The following TET2 variants were observed in gnomAD, a reference collection of about 807,000 sequenced individuals.
TET2 encodes tet methylcytosine dioxygenase 2.
TET2 carries 299 observed loss-of-function variants against 142.9 expected under a neutral mutation model. The observed-to-expected ratio is 2.09, with a 90% CI of 1.90 to 2.30. TET2 has a LOEUF of 2.30. Among genes scored for constraint, TET2 ranks in the 30% most tolerant of loss-of-function variants. TET2 has a pLI of 0.00. For synonymous variants in TET2, 819 were observed against 849.0 expected (o/e 0.96, Z 0.61); for missense variants, 2,418 against 2,378.0 (o/e 1.02, Z -0.35).
At chr4:105,164,445 T>C (rs530223310) in intron 1 of TET2, among the ~76,000 whole-genome samples, 3 of 152,194 alleles carry the variant, frequency 2.0e-5, no homozygotes, top group Non-Finnish European at 2.9e-5. Flanking sequence ...TGAAGTAACA[T>C]AAATAAAACA....
At chr4:105,196,874 AGAAGAGGTT>A (rs1449371422) in intron 2 of TET2, among the ~76,000 whole-genome samples, 7 of 152,216 alleles carry the variant, frequency 4.6e-5, no homozygotes. Flanking sequence ...ACAATTTAAA[AGAAGAGGTT>A]GACTTTGTGA....
At chr4:105,265,437 T>C (rs1730638897) in intron 8 of TET2, among the ~76,000 whole-genome samples, 1 of 152,240 alleles carries the variant, frequency 6.6e-6, no homozygotes, top group Non-Finnish European at 1.5e-5. Flanking sequence ...TCCTGCATGG[T>C]ATTTTTTAGG....
intron 8 of TET2, among the ~76,000 whole-genome samples, chr4:105,265,916 A>G (rs143899825): frequency 1.1e-3 from 169 of 152,268 alleles, no homozygotes; most frequent in African/African-American, 3.8e-3. Flanking sequence ...AAACACACCC[A>G]GCCTTATCTC....
At chr4:105,194,881 A>T (rs1421863681) in intron 2 of TET2, among the ~76,000 whole-genome samples, 2 of 152,124 alleles carry the variant, frequency 1.3e-5, no homozygotes, top group Non-Finnish European at 2.9e-5. Context: ...GTCATAACTC[A>T]ACTATGTGAA....
At position 105,236,328 on chromosome 4, in the gene TET2, G is replaced by C. The variant is rs747398674; in HGVS notation, c.2386G>C (p.Glu796Gln). Residue 796 changes from glutamate to glutamine, a missense_variant, in exon 3 of 11, where the codon GAG (glutamate) becomes CAG (glutamine). Transcript: ENST00000380013. The part of the protein sequence containing the change: ...HGENQYSKSS[E>Q]FETHNVQMGL... ...TGAAAATCAGTATTCAAAATCAAGC[G>C]AGTTCGAGACTCATAATGTCCAAAT... is the stretch of plus-strand genomic sequence containing the variant. The C allele has an allele frequency of 3.7e-6, 6 of 1,613,988 alleles. No individual in the cohort carries two copies. Among genetic ancestry groups the C allele is most frequent in the East Asian group, 4.5e-5 (2 of 44,844 alleles).
intron 2 of TET2, among the ~76,000 whole-genome samples, chr4:105,207,185 C>T (rs904671073): frequency 5.3e-5 from 8 of 152,142 alleles, no homozygotes; most frequent in African/African-American, 1.4e-4. Context: ...GATCTCAAAT[C>T]TTAGGGACTA....
chr4:105,260,502 C>A (rs778135594), intron 7 of TET2, among the ~76,000 whole-genome samples: 1 of 151,960 alleles, frequency 6.6e-6, no homozygotes, highest in Non-Finnish European at 1.5e-5. Flanking sequence ...GGACTGTCTC[C>A]GTACTAATTG....
intron 2 of TET2, among the ~76,000 whole-genome samples, chr4:105,232,827 A>T (rs1349439966): frequency 6.6e-6 from 1 of 152,226 alleles, no homozygotes; most frequent in African/African-American, 2.4e-5. Context: ...AGAATCACCT[A>T]GAAAGGGTTT....
chr4:105,185,069 A>T (rs1216417765), intron 1 of TET2, among the ~76,000 whole-genome samples: 1 of 152,224 alleles, frequency 6.6e-6, no homozygotes, highest in Admixed American at 6.5e-5. Flanking sequence ...CTTGAAAGGA[A>T]AATGCATTTA....
chr4:105,259,734 A>T lies in TET2; in HGVS notation c.3919A>T (p.Arg1307Trp). 1 of 1,550,992 alleles carries T rather than the reference A, an allele frequency of 6.4e-7. No homozygotes were observed. The highest frequency in any genetic ancestry group is 8.7e-7 in the Non-Finnish European group (1 of 1,146,484). ...TAAGTTTGCCAGAAGCAAGATCCCA[A>T]GGAAGTTTAAGCTGCTTGGGGATGA... is the stretch of plus-strand genomic sequence containing the variant. ...GCKFARSKIP[R>W]KFKLLGDDPK... The change falls in exon 7 of 11, where the codon AGG (arginine) becomes TGG (tryptophan). Residue 1307 changes from arginine to tryptophan, a missense_variant. Coordinates refer to ENST00000380013, the MANE Select transcript of TET2 (RefSeq NM_001127208.3).
At chr4:105,176,368 G>A (rs758014740) in intron 1 of TET2, among the ~76,000 whole-genome samples, 3 of 152,120 alleles carry the variant, frequency 2.0e-5, no homozygotes, top group Non-Finnish European at 4.4e-5. Flanking sequence ...GTTCACGGAT[G>A]ACAGTTGTTT....
At position 105,275,950 on chromosome 4, in the gene TET2, G is replaced by T. The variant is rs1462093303; in HGVS notation, c.5440G>T (p.Gly1814Ter). The T allele has an allele frequency of 6.4e-7, 1 of 1,551,716 alleles. No homozygotes were observed. Among genetic ancestry groups the T allele is most frequent in the African/African-American group, 1.4e-5 (1 of 73,006 alleles). The change falls in exon 11 of 11, where the codon GGA (glycine) becomes TGA (stop). Residue 1814 changes from glycine (G) to a stop codon, truncating the protein, a stop_gained. Transcript: ENST00000380013. LOFTEE classifies it low-confidence loss of function (END_TRUNC). ...CCATGATAGAACTGCTTGTGTCCAA[G>T]GAGGCTTACACAAATTAAGTGATGC... ...LNHDRTACVQ[G>*]GLHKLSDANG...
At chr4:105,183,777 A>G (rs908195386) in intron 1 of TET2, among the ~76,000 whole-genome samples, 11 of 152,356 alleles carry the variant, frequency 7.2e-5, no homozygotes, top group African/African-American at 2.2e-4. Flanking sequence ...CGCAAATACA[A>G]TCACAAATAC....
At chr4:105,209,080 T>TAC (rs1727004344) in intron 2 of TET2, among the ~76,000 whole-genome samples, 1 of 115,138 alleles carries the variant, frequency 8.7e-6, no homozygotes, top group Non-Finnish European at 1.8e-5. Flanking sequence ...TATATATATA[T>TAC]ATATATATAT....
chr4:105,219,829 G>C (rs1727709940), intron 2 of TET2, among the ~76,000 whole-genome samples: 1 of 152,020 alleles, frequency 6.6e-6, no homozygotes, highest in South Asian at 2.1e-4. Context: ...TCATTATATA[G>C]TATTTAATAG....
chr4:105,234,626 A>C lies in TET2; in HGVS notation c.684A>C (p.Lys228Asn), dbSNP rs777256211. The C allele has an allele frequency of 6.2e-6, 10 of 1,614,104 alleles. No homozygotes were observed. Among genetic ancestry groups the C allele is most frequent in the Non-Finnish European group, 8.5e-6 (10 of 1,180,012 alleles). Residue 228 changes from lysine to asparagine, a missense_variant, in exon 3 of 11, where the codon AAA becomes AAC. Transcript: ENST00000380013. ...VEHTHGELLE[K>N]TLSQYYPDCV... ...ACACACATGGTGAACTCCTGGAAAA[A>C]ACACTGTCTCAATATTATCCAGATT... is the stretch of plus-strand genomic sequence containing the variant.
At chr4:105,247,070 T>C (rs531146103) in intron 6 of TET2, among the ~76,000 whole-genome samples, 1 of 152,216 alleles carries the variant, frequency 6.6e-6, no homozygotes, top group Non-Finnish European at 1.5e-5. Flanking sequence ...TTCAAGGAAC[T>C]TTATATTATA....
intron 1 of TET2, among the ~76,000 whole-genome samples, chr4:105,172,140 T>C (rs2110419252): frequency 6.6e-6 from 1 of 152,214 alleles, no homozygotes; most frequent in South Asian, 2.1e-4. Flanking sequence ...TTGCAATGCA[T>C]CACAGACCTT....
At chr4:105,274,299 C>G (rs1476874711) in intron 10 of TET2, among the ~76,000 whole-genome samples, 2 of 152,180 alleles carry the variant, frequency 1.3e-5, no homozygotes, top group African/African-American at 4.8e-5. Flanking sequence ...AGAAGTATGA[C>G]TTTTAAAAGT....
Sources: gnomAD v4.1 joint callset for allele counts (sites outside exome capture counted in the v4.1 genomes callset) on GRCh38, gnomAD v4.1.1 for gene constraint, MANE v1.5 for transcripts, NCBI Gene and HGNC (gene_info 2026-07-23, HGNC 2026-07-21) for gene names.